The following EMP2 variants were observed in gnomAD, a reference collection of about 807,000 sequenced individuals.
EMP2 encodes the protein epithelial membrane protein 2.
Under a neutral mutation model 13.7 loss-of-function variants are expected in EMP2, and 19 were observed. That is an observed-to-expected ratio of 1.38 (90% CI 0.97 to 2.03). EMP2 has a LOEUF of 2.03. Among genes scored for constraint, EMP2 ranks in the 30% most tolerant of loss-of-function variants. The probability of loss-of-function intolerance (pLI) is 0.00; values close to 1 mark genes in which losing one functional copy is unlikely to be tolerated. For synonymous variants in EMP2, 97 were observed against 84.7 expected (o/e 1.15, Z -0.80); for missense variants, 253 against 220.7 (o/e 1.15, Z -0.93).
At chr16:10,553,331 G>A (rs1332167374) in intron 1 of EMP2, among the ~76,000 whole-genome samples, 8 of 152,156 alleles carry the variant, frequency 5.3e-5, no homozygotes, top group African/African-American at 1.4e-4. Context: ...TTCACTCCAC[G>A]TTTCCGTGTG....
chr16:10,534,745 G>A (rs1046908701), intron 4 of EMP2, among the ~76,000 whole-genome samples: 2 of 152,192 alleles, frequency 1.3e-5, no homozygotes, highest in Non-Finnish European at 2.9e-5. Context: ...CAGCTTGGGC[G>A]ACAGAGCGAA....
At chr16:10,540,657 A>C (rs931117485) in intron 3 of EMP2, among the ~76,000 whole-genome samples, 2 of 152,106 alleles carry the variant, frequency 1.3e-5, no homozygotes, top group Non-Finnish European at 2.9e-5. Context: ...AAGGACCAGA[A>C]ACAGGCTTAG....
intron 3 of EMP2, among the ~76,000 whole-genome samples, chr16:10,540,712 A>T (rs2050688940): frequency 6.6e-6 from 1 of 151,988 alleles, no homozygotes; most frequent in Non-Finnish European, 1.5e-5. Context: ...TGATAACATC[A>T]TTGGGCTTTC....
chr16:10,561,253 C>G (rs1057255299), intron 1 of EMP2, among the ~76,000 whole-genome samples: 1 of 152,108 alleles, frequency 6.6e-6, no homozygotes, highest in African/African-American at 2.4e-5. Flanking sequence ...ATGAGGGAAA[C>G]AGTTCATTTG....
intron 1 of EMP2, among the ~76,000 whole-genome samples, chr16:10,561,593 T>C (rs1265739647): frequency 3.9e-5 from 6 of 152,214 alleles, no homozygotes; most frequent in Non-Finnish European, 5.9e-5. Flanking sequence ...ATTGGCCGAA[T>C]TGGCAACCAC....
rs1235552092 is a variant in EMP2 at position 10,555,443 on chromosome 16, C to G, written c.-60-7766G>C. On this transcript the variant is annotated intron_variant, in intron 1 of 4. Transcript: ENST00000359543. ...CAAGTTTCTGTATAGAAATCAAAGT[C>G]CTATGATTTGCAGAACTTCTCTTTT... is the stretch of plus-strand genomic sequence containing the variant. 7.9e-5 allele frequency among the ~76,000 whole-genome samples: 12 copies of G among 152,252 alleles called. No individual in the cohort carries two copies. The East Asian group carries it at 2.3e-3, about 29-fold the overall frequency.
chr16:10,540,425 G>T (rs937659137), intron 3 of EMP2, among the ~76,000 whole-genome samples: 1 of 152,040 alleles, frequency 6.6e-6, no homozygotes, highest in African/African-American at 2.4e-5. Context: ...AGGATGGCTT[G>T]AACCCAGAAG....
At chr16:10,579,766 C>G (rs1273317313) in intron 1 of EMP2, among the ~76,000 whole-genome samples, 1 of 151,366 alleles carries the variant, frequency 6.6e-6, no homozygotes, top group African/African-American at 2.4e-5. Context: ...GGGCAGTGCT[C>G]CCTTCCCCAA....
intron 1 of EMP2, among the ~76,000 whole-genome samples, chr16:10,578,965 A>G (rs2051003182): frequency 6.6e-6 from 1 of 152,232 alleles, no homozygotes; most frequent in African/African-American, 2.4e-5. Flanking sequence ...TCCAGGTGGA[A>G]AGAAGGGGAG....
chr16:10,542,262 G>C lies in EMP2; in HGVS notation c.169+1308C>G, dbSNP rs146900072. On this transcript the variant is annotated intron_variant, in intron 3 of 4. Transcript: ENST00000359543. ...AAATTACGAAAATTAGCTGGGCATG[G>C]TGGTGAGTGCCTGTAGTCCCAGCTA... 1.8e-3 allele frequency among the ~76,000 whole-genome samples: 276 copies of C among 152,220 alleles called. 1 individual carries two copies. Among genetic ancestry groups the C allele is most frequent in the African/African-American group, 6.2e-3 (259 of 41,532 alleles).
intron 1 of EMP2, among the ~76,000 whole-genome samples, chr16:10,560,070 C>G (rs557277381): frequency 6.6e-6 from 1 of 152,162 alleles, no homozygotes; most frequent in Non-Finnish European, 1.5e-5. Context: ...GCATCTGAAC[C>G]CAAGCAGCGT....
intron 2 of EMP2, 72 bp from the exon 3 acceptor site, chr16:10,543,732 C>A (rs765698487): frequency 1.4e-6 from 2 of 1,452,172 alleles, no homozygotes; most frequent in Non-Finnish European, 1.9e-6. Context: ...TAATTAGGCA[C>A]GAGGCATGGT....
intron 1 of EMP2, among the ~76,000 whole-genome samples, chr16:10,571,053 T>C (rs2050943415): frequency 6.6e-6 from 1 of 150,978 alleles, no homozygotes; most frequent in African/African-American, 2.4e-5. Context: ...GGTCAAGAGA[T>C]AGAAACCAGC....
At chr16:10,538,347 G>A (rs1343757513) in intron 3 of EMP2, among the ~76,000 whole-genome samples, 1 of 152,142 alleles carries the variant, frequency 6.6e-6, no homozygotes, top group Non-Finnish European at 1.5e-5. Context: ...TCCTGGTCTG[G>A]GTCACAGACC....
chr16:10,554,202 T>C (rs538488231), intron 1 of EMP2, among the ~76,000 whole-genome samples: 84 of 152,264 alleles, frequency 5.5e-4, no homozygotes, highest in African/African-American at 1.7e-3. Flanking sequence ...CAGCTAATTT[T>C]TGTATTTTTA....
intron 1 of EMP2, among the ~76,000 whole-genome samples, chr16:10,560,674 G>T (rs1038126529): frequency 6.6e-6 from 1 of 152,228 alleles, no homozygotes; most frequent in Non-Finnish European, 1.5e-5. Context: ...GACACTTGTG[G>T]TGTGATTGGC....
At position 10,532,740 on chromosome 16, in the gene EMP2, A is replaced by ATTTTT. The variant is rs35927182; in HGVS notation, c.*160_*164dup. ...ATGCAAAAACTCTTCTCTCTTTTGG[A>ATTTTT]TTTTTTTTTTCTTTTTTCTTTTTTT... On this transcript the variant is annotated 3_prime_UTR_variant, in exon 5 of 5. Transcript: ENST00000359543. 4.9e-5 allele frequency: 10 copies of ATTTTT among 202,978 alleles called. No individual in the cohort carries two copies. The highest frequency in any genetic ancestry group is 2.4e-4 in the Admixed American group (2 of 8,358). The allele number at this position is 202,978 out of a possible 1,614,324, so 12.6% of individuals were successfully genotyped here. A position where few individuals can be genotyped will look rare whatever the true frequency, so the allele number is the denominator to read the frequency against.
intron 2 of EMP2, 85 bp downstream of exon 2, chr16:10,547,452 TCAG>T: frequency 7.2e-7 from 1 of 1,388,074 alleles, no homozygotes; most frequent in Non-Finnish European, 1.0e-6. Context: ...TATGCCTTTA[TCAG>T]CAGCATGAGA....
At chr16:10,541,105 AG>A (rs1041301982) in intron 3 of EMP2, among the ~76,000 whole-genome samples, 1 of 150,570 alleles carries the variant, frequency 6.6e-6, no homozygotes, top group African/African-American at 2.5e-5. Context: ...AAAAAAAAAA[AG>A]AAAATAGATT....
Sources: gnomAD v4.1 joint callset for allele counts (sites outside exome capture counted in the v4.1 genomes callset) on GRCh38, gnomAD v4.1.1 for gene constraint, MANE v1.5 for transcripts, NCBI Gene and HGNC (gene_info 2026-07-23, HGNC 2026-07-21) for gene names.